The following RNF182 variants were observed in gnomAD, a reference collection of about 807,000 sequenced individuals.
RNF182 encodes the protein ring finger protein 182, also known as E3 ubiquitin-protein ligase RNF182.
RNF182 carries 15 observed loss-of-function variants against 14.4 expected under a neutral mutation model. The ratio of observed to expected loss-of-function variants is 1.04; its 90% CI spans 0.70 to 1.60. RNF182 has a LOEUF of 1.60. RNF182 is among the 40% of genes most tolerant of loss of function. The pLI, the probability that RNF182 is intolerant of heterozygous loss-of-function variation, is 0.00. For missense variants in RNF182, 268 were observed against 294.8 expected (o/e 0.91, Z 0.67); for synonymous variants, 128 against 122.9 (o/e 1.04, Z -0.27).
chr6:13,971,383 T>TC (rs1482006052), intron 1 of RNF182, among the ~76,000 whole-genome samples: 2 of 152,168 alleles, frequency 1.3e-5, no homozygotes, highest in African/African-American at 4.8e-5. Context: ...TTGTGAGGCC[T>TC]CCCCAGCCAT....
Position 13,977,970 on chromosome 6 carries a change from C to T in RNF182, c.*107C>T. On this transcript the variant is annotated 3_prime_UTR_variant, in exon 3 of 3. Transcript: ENST00000488300. ...TGTTCTTTATGATTAGTATCCATGA[C>T]ATTAACAAAACCCTTGGCCACATGT... 1 of 1,228,394 alleles carries T rather than the reference C, an allele frequency of 8.1e-7. No homozygotes were observed. The highest frequency in any genetic ancestry group is 1.1e-6 in the Non-Finnish European group (1 of 887,554). The allele number at this position is 1,228,394 out of a possible 1,614,324, so 76.1% of individuals were successfully genotyped here. A position where few individuals can be genotyped will look rare whatever the true frequency, so the allele number is the denominator to read the frequency against.
rs1760352632 is a variant in RNF182 at position 13,977,242 on chromosome 6, T to C, written c.123T>C (p.His41=). ...QRKPKVLECC[H]RVCAKCLYKI... ...AACCCAAAGTGCTGGAGTGTTGTCA[T>C]AGGGTTTGTGCCAAATGCCTCTACA... The change falls in exon 3 of 3, where the codon CAT becomes CAC. Residue 41 remains histidine, a synonymous_variant. Coordinates refer to ENST00000488300, the MANE Select transcript of RNF182 (RefSeq NM_152737.4). 1 of 1,614,078 alleles carries C rather than the reference T, an allele frequency of 6.2e-7. No individual in the cohort carries two copies. The highest frequency in any genetic ancestry group is 1.7e-5 in the Admixed American group (1 of 60,000).
chr6:13,971,149 A>T (rs1677649341), intron 1 of RNF182, among the ~76,000 whole-genome samples: 1 of 151,902 alleles, frequency 6.6e-6, no homozygotes, highest in African/African-American at 2.4e-5. Context: ...CTGTTTCCCC[A>T]CCCAAATCTC....
chr6:13,926,794 T>G (rs75351870), intron 1 of RNF182, among the ~76,000 whole-genome samples: 11,665 of 150,526 alleles, frequency 0.077, 1,369 homozygotes, highest in African/African-American at 0.26. Flanking sequence ...TGTGTGTGTT[T>G]TTTTTTTTTT....
chr6:13,963,783 G>A (rs1759941804), intron 1 of RNF182, among the ~76,000 whole-genome samples: 1 of 152,128 alleles, frequency 6.6e-6, no homozygotes, highest in South Asian at 2.1e-4. Flanking sequence ...AAGATTTAAG[G>A]GGTGGGGAAA....
intron 2 of RNF182, among the ~76,000 whole-genome samples, chr6:13,975,676 A>G (rs1760305754): frequency 1.3e-5 from 2 of 152,212 alleles, no homozygotes; most frequent in African/African-American, 4.8e-5. Context: ...AGATTCAGCT[A>G]CCCACTGCCT....
chr6:13,948,644 T>C (rs1759497716), intron 1 of RNF182, among the ~76,000 whole-genome samples: 1 of 152,208 alleles, frequency 6.6e-6, no homozygotes. Context: ...ATTAAGTCTT[T>C]AGGTCCTACT....
At chr6:13,965,926 G>A (rs280188) in intron 1 of RNF182, among the ~76,000 whole-genome samples, 119,222 of 152,146 alleles carry the variant, frequency 0.78, 48,318 homozygotes, top group Middle Eastern at 0.91. Context: ...ATCATGATCA[G>A]TGAGGGGCCC....
intron 1 of RNF182, among the ~76,000 whole-genome samples, chr6:13,953,039 AT>A (rs1229274430): frequency 1.3e-5 from 2 of 152,212 alleles, no homozygotes; most frequent in Non-Finnish European, 2.9e-5. Flanking sequence ...TAAACTAAGA[AT>A]GCTTTTGTTC....
At chr6:13,926,298 T>C (rs954462685) in intron 1 of RNF182, among the ~76,000 whole-genome samples, 1 of 152,202 alleles carries the variant, frequency 6.6e-6, no homozygotes, top group Non-Finnish European at 1.5e-5. Context: ...GTTAAGTTGA[T>C]TGGAATTCTG....
intron 1 of RNF182, among the ~76,000 whole-genome samples, chr6:13,963,772 C>A (rs1302336501): frequency 1.3e-5 from 2 of 151,992 alleles, no homozygotes; most frequent in African/African-American, 4.8e-5. Flanking sequence ...GTCACAAGGC[C>A]AAGATTTAAG....
chr6:13,933,483 C>A (rs915838840), intron 1 of RNF182, among the ~76,000 whole-genome samples: 1 of 151,584 alleles, frequency 6.6e-6, no homozygotes, highest in Non-Finnish European at 1.5e-5. Flanking sequence ...ATGATTATTC[C>A]ACTGCACTCC....
intron 1 of RNF182, among the ~76,000 whole-genome samples, chr6:13,946,960 T>C (rs1453243645): frequency 2.0e-5 from 3 of 152,164 alleles, no homozygotes; most frequent in Admixed American, 6.6e-5. Context: ...TAGTAAGTAT[T>C]TAAGAAAACA....
At chr6:13,959,478 T>G (rs1429272962) in intron 1 of RNF182, among the ~76,000 whole-genome samples, 2 of 152,232 alleles carry the variant, frequency 1.3e-5, no homozygotes, top group Non-Finnish European at 2.9e-5. Context: ...ACTTTGGTTA[T>G]TGCAATGAAA....
In RNF182 at chr6:13,949,261, C is replaced by G. The variant is rs537873649; in HGVS notation, c.-367+24238C>G. 15 of 783,090 alleles carry G rather than the reference C, an allele frequency of 1.9e-5. No individual in the cohort carries two copies. In the East Asian group the frequency reaches 3.6e-4, roughly 19 times the overall value. The allele number at this position is 783,090 out of a possible 1,614,324, so 48.5% of individuals were successfully genotyped here. A position where few individuals can be genotyped will look rare whatever the true frequency, so the allele number is the denominator to read the frequency against. On this transcript the variant is annotated intron_variant, in intron 1 of 2. Coordinates refer to ENST00000488300, the MANE Select transcript of RNF182 (RefSeq NM_152737.4). ...GTCATATTCAGACACCAGTTGTTTC[C>G]TCTGCTCCCAGACTTACCACATCTG... is the stretch of plus-strand genomic sequence containing the variant.
chr6:13,945,420 T>C (rs1759413781), intron 1 of RNF182, among the ~76,000 whole-genome samples: 1 of 152,206 alleles, frequency 6.6e-6, no homozygotes, highest in South Asian at 2.1e-4. Context: ...GAGGAGATGA[T>C]GGTACTTCAG....
At position 13,977,266 on chromosome 6, in the gene RNF182, C is replaced by G; in HGVS notation, c.147C>G (p.Tyr49Ter). 6.2e-7 allele frequency: 1 copy of G among 1,614,196 alleles called. No homozygotes were observed. The highest frequency in any genetic ancestry group is 8.5e-7 in the Non-Finnish European group (1 of 1,180,018). Residue 49 changes from tyrosine to a stop codon, truncating the protein, a stop_gained, in exon 3 of 3, where the codon TAC becomes TAG. Transcript: ENST00000488300. LOFTEE classifies it high-confidence loss of function. ...CCHRVCAKCL[Y>*]KIIDFGDSPQ... ...ATAGGGTTTGTGCCAAATGCCTCTA[C>G]AAGATCATAGACTTTGGGGACTCCC...
chr6:13,950,488 A>C (rs1759559287), intron 1 of RNF182, among the ~76,000 whole-genome samples: 1 of 148,308 alleles, frequency 6.7e-6, no homozygotes. Context: ...TTTTTCTGAC[A>C]AAACAGGTAC....
chr6:13,949,337 C>A (rs553249043), intron 1 of RNF182: 1 of 770,576 alleles, frequency 1.3e-6, no homozygotes, highest in South Asian at 1.3e-5. Context: ...TAGAGTGGCC[C>A]CCTTGCTTCC....
Sources: gnomAD v4.1 joint callset for allele counts (sites outside exome capture counted in the v4.1 genomes callset) on GRCh38, gnomAD v4.1.1 for gene constraint, MANE v1.5 for transcripts, NCBI Gene and HGNC (gene_info 2026-07-23, HGNC 2026-07-21) for gene names.